DNER: variants seen among roughly 807,000 people sequenced by gnomAD.
The protein encoded by DNER is delta/notch like EGF repeat containing.
DNER carries 33 observed loss-of-function variants against 78.2 expected under a neutral mutation model. The observed-to-expected ratio is 0.42, with a 90% CI of 0.32 to 0.56. The LOEUF (loss-of-function observed/expected upper bound fraction) is 0.56. Among genes scored for constraint, DNER ranks in the 20% least tolerant of loss-of-function variants. The pLI is 0.11. For missense variants in DNER, 918 were observed against 975.3 expected (o/e 0.94, Z 0.78); for synonymous variants, 417 against 384.8 (o/e 1.08, Z -0.98).
intron 5 of DNER, among the ~76,000 whole-genome samples, chr2:229,516,745 A>C (rs989784117): frequency 6.7e-6 from 1 of 149,764 alleles, no homozygotes; most frequent in Non-Finnish European, 1.5e-5. Flanking sequence ...TGATCATGCC[A>C]CTGCACTCTA....
chr2:229,418,297 G>T, intron 8 of DNER, 67 bp from the exon 9 acceptor site: 1 of 1,601,776 alleles, frequency 6.2e-7, no homozygotes, highest in Non-Finnish European at 8.5e-7. Flanking sequence ...GGACCAGCCT[G>T]CAAGGAAGGC....
At chr2:229,528,182 C>T (rs1696240687) in intron 5 of DNER, among the ~76,000 whole-genome samples, 1 of 152,216 alleles carries the variant, frequency 6.6e-6, no homozygotes, top group Admixed American at 6.5e-5. Flanking sequence ...CTTCTGTTGG[C>T]CAGAAGGGTC....
intron 8 of DNER, among the ~76,000 whole-genome samples, chr2:229,435,357 T>C (rs1347915911): frequency 6.6e-6 from 1 of 152,100 alleles, no homozygotes; most frequent in Non-Finnish European, 1.5e-5. Flanking sequence ...AGTGGGCACA[T>C]GGAATAGAGA....
chr2:229,532,932 A>G (rs774078761), intron 5 of DNER, among the ~76,000 whole-genome samples: 7 of 152,126 alleles, frequency 4.6e-5, no homozygotes, highest in Non-Finnish European at 8.8e-5. Context: ...TGGGCTGGGC[A>G]TGGGGGTGTG....
In DNER at chr2:229,477,213, G is replaced by A; in HGVS notation, c.1188C>T (p.Cys396=). 1 of 1,613,858 alleles carries A rather than the reference G, an allele frequency of 6.2e-7. No individual in the cohort carries two copies. The highest frequency in any genetic ancestry group is 8.5e-7 in the Non-Finnish European group (1 of 1,179,872). The change falls in exon 7 of 13, where the codon TGC becomes TGT. Residue 396 remains cysteine, a synonymous_variant. Transcript: ENST00000341772. ...GELCQSKIDY[C]ILDPCRNGAT... ...CTCCATTTCTGCATGGGTCTAGGAT[G>A]CAGTAATCAATCTTGGACTGGCAAA...
intron 11 of DNER, among the ~76,000 whole-genome samples, chr2:229,387,932 G>A (rs982351211): frequency 6.6e-6 from 1 of 151,224 alleles, no homozygotes; most frequent in South Asian, 2.1e-4. Flanking sequence ...TTTTTGATAC[G>A]ATTCTAATGC....
chr2:229,670,998 T>A (rs1026657463), intron 1 of DNER, among the ~76,000 whole-genome samples: 5 of 152,192 alleles, frequency 3.3e-5, no homozygotes, highest in South Asian at 4.2e-4. Context: ...GAGGGGGAAT[T>A]TTTTTCTGCT....
At chr2:229,622,475 C>T (rs948718001) in intron 1 of DNER, among the ~76,000 whole-genome samples, 1 of 152,072 alleles carries the variant, frequency 6.6e-6, no homozygotes, top group Non-Finnish European at 1.5e-5. Flanking sequence ...GTCTTTTCTG[C>T]CCTGCGGGTC....
chr2:229,453,056 T>G (rs1035760265), intron 7 of DNER, among the ~76,000 whole-genome samples: 4 of 152,256 alleles, frequency 2.6e-5, no homozygotes, highest in African/African-American at 7.2e-5. Context: ...GAATTGGATT[T>G]AAACACCATC....
intron 1 of DNER, among the ~76,000 whole-genome samples, chr2:229,619,556 A>C (rs780248041): frequency 3.3e-5 from 5 of 152,196 alleles, no homozygotes; most frequent in African/African-American, 4.8e-5. Flanking sequence ...GCTTCTGTTC[A>C]GTTACTGCCT....
chr2:229,643,686 G>A (rs1055342991), intron 1 of DNER, among the ~76,000 whole-genome samples: 11 of 152,186 alleles, frequency 7.2e-5, no homozygotes, highest in African/African-American at 2.4e-4. Flanking sequence ...GTTTAAATCC[G>A]TGGAAAGTGC....
At chr2:229,484,550 T>G (rs764668875) in intron 6 of DNER, among the ~76,000 whole-genome samples, 13 of 152,202 alleles carry the variant, frequency 8.5e-5, no homozygotes, top group Non-Finnish European at 1.3e-4. Flanking sequence ...GTTGTTGTTG[T>G]TCAGGAGCCC....
chr2:229,466,444 T>C (rs1694807630), intron 7 of DNER, among the ~76,000 whole-genome samples: 2 of 152,162 alleles, frequency 1.3e-5, no homozygotes, highest in Non-Finnish European at 1.5e-5. Flanking sequence ...TGAACATCAC[T>C]TCCCTTGGAA....
At chr2:229,447,761 T>C (rs966942004) in intron 7 of DNER, among the ~76,000 whole-genome samples, 1 of 152,130 alleles carries the variant, frequency 6.6e-6, no homozygotes, top group African/African-American at 2.4e-5. Flanking sequence ...AAATATAAGG[T>C]ATATGACTGT....
At chr2:229,477,729 T>A (rs1004169377) in intron 6 of DNER, among the ~76,000 whole-genome samples, 1 of 152,210 alleles carries the variant, frequency 6.6e-6, no homozygotes, top group Admixed American at 6.5e-5. Flanking sequence ...AGAGCTAGAA[T>A]AACCCACCTG....
chr2:229,684,291 T>C (rs1699447674), intron 1 of DNER, among the ~76,000 whole-genome samples: 3 of 151,200 alleles, frequency 2.0e-5, no homozygotes, highest in Admixed American at 6.6e-5. Context: ...AGGATGAGCA[T>C]GAAATTGATG....
At chr2:229,524,925 C>T (rs1315102317) in intron 5 of DNER, among the ~76,000 whole-genome samples, 1 of 152,198 alleles carries the variant, frequency 6.6e-6, no homozygotes. Context: ...CCATCTGAAA[C>T]TCAAGATCCT....
At chr2:229,410,683 G>A (rs1411346554) in intron 9 of DNER, among the ~76,000 whole-genome samples, 1 of 152,194 alleles carries the variant, frequency 6.6e-6, no homozygotes, top group African/African-American at 2.4e-5. Context: ...GAGAAGAAAT[G>A]TTTCTAAAAA....
intron 12 of DNER, among the ~76,000 whole-genome samples, chr2:229,360,659 G>A (rs57753421): frequency 0.16 from 24,274 of 152,072 alleles, 3,502 homozygotes; most frequent in African/African-American, 0.39. Context: ...TGATCCACCC[G>A]CCTCGGCCTC....
Sources: allele counts gnomAD v4.1 joint callset (sites outside exome capture counted in the v4.1 genomes callset), GRCh38; gene constraint gnomAD v4.1.1; transcripts MANE v1.5; gene names NCBI Gene and HGNC (gene_info 2026-07-23, HGNC 2026-07-21).